RGS6: variants seen among roughly 807,000 people sequenced by gnomAD.
The protein encoded by RGS6 is regulator of G-protein signaling 6.
In RGS6, 30 loss-of-function variants were observed where a neutral mutation model predicts 78.5. The ratio of observed to expected loss-of-function variants is 0.38; its 90% CI spans 0.29 to 0.52. RGS6 has a LOEUF of 0.52. Ranked by LOEUF, RGS6 falls within the 20% of genes least tolerant of loss-of-function variation. RGS6 has a pLI of 0.85. For synonymous variants in RGS6, 206 were observed against 206.0 expected, an observed-to-expected ratio of 1.00 and a Z score of 0.00; for missense variants, 495 against 609.7, an observed-to-expected ratio of 0.81 and a Z score of 1.98.
intron 2 of RGS6, among the ~76,000 whole-genome samples, chr14:71,994,176 G>T (rs1227685544): frequency 6.6e-6 from 1 of 151,960 alleles, no homozygotes; most frequent in African/African-American, 2.4e-5. Context: ...TGTTTAGCCT[G>T]TTCCGTCTAC....
chr14:72,621,675 C>T, the RGS6 span, among the ~76,000 whole-genome samples: 1 of 152,076 alleles, frequency 6.6e-6, no homozygotes, highest in East Asian at 1.9e-4. Flanking sequence ...TCAAGAGGCC[C>T]GGGGACCAGT....
At chr14:72,213,782 G>A (rs2044785055) in intron 2 of RGS6, among the ~76,000 whole-genome samples, 1 of 152,192 alleles carries the variant, frequency 6.6e-6, no homozygotes, top group South Asian at 2.1e-4. Context: ...CTTATGGTCA[G>A]AGTCTTTTCC....
At chr14:72,011,399 G>A (rs2097472815) in intron 2 of RGS6, among the ~76,000 whole-genome samples, 1 of 152,048 alleles carries the variant, frequency 6.6e-6, no homozygotes, top group Non-Finnish European at 1.5e-5. Flanking sequence ...ACTGTTTCCC[G>A]AGGAGGGTGA....
intron 3 of RGS6, among the ~76,000 whole-genome samples, chr14:72,403,149 C>T (rs2092618107): frequency 6.6e-6 from 1 of 152,120 alleles, no homozygotes; most frequent in Non-Finnish European, 1.5e-5. Context: ...AATACCTGCA[C>T]CCCATGTTTA....
intron 2 of RGS6, among the ~76,000 whole-genome samples, chr14:72,198,761 C>T (rs1432920004): frequency 1.3e-5 from 2 of 152,152 alleles, no homozygotes; most frequent in Non-Finnish European, 2.9e-5. Context: ...GGGCAGAGTC[C>T]ACCTGCCTTG....
At chr14:72,180,235 G>A (rs111814153) in intron 2 of RGS6, among the ~76,000 whole-genome samples, 17 of 152,350 alleles carry the variant, frequency 1.1e-4, no homozygotes, top group African/African-American at 4.1e-4. Flanking sequence ...CATTTTGGGT[G>A]TAGTGCTTCA....
the RGS6 span, among the ~76,000 whole-genome samples, chr14:71,912,111 A>C: frequency 2.0e-4 from 30 of 152,182 alleles, no homozygotes; most frequent in Admixed American, 6.5e-5. Context: ...CTCTTATGTT[A>C]GTCTCTTATT....
chr14:72,237,212 A>G (rs1429340459), intron 2 of RGS6, among the ~76,000 whole-genome samples: 1 of 152,212 alleles, frequency 6.6e-6, no homozygotes, highest in Admixed American at 6.5e-5. Flanking sequence ...ATCATATTCC[A>G]TTGTGTGAAT....
chr14:72,117,049 C>G, intron 2 of RGS6, among the ~76,000 whole-genome samples: 1 of 151,340 alleles, frequency 6.6e-6, no homozygotes, highest in African/African-American at 2.4e-5. Context: ...AAGCCCTTGC[C>G]GAGGAAGGGC....
intron 2 of RGS6, among the ~76,000 whole-genome samples, chr14:72,143,192 A>G (rs2096563507): frequency 6.6e-6 from 1 of 151,792 alleles, no homozygotes; most frequent in Middle Eastern, 3.2e-3. Flanking sequence ...ACATGACAAA[A>G]CCCCATCTCT....
At chr14:72,101,915 A>G (rs530443034) in intron 2 of RGS6, among the ~76,000 whole-genome samples, 1 of 152,106 alleles carries the variant, frequency 6.6e-6, no homozygotes, top group African/African-American at 2.4e-5. Context: ...CCTCTTCTCT[A>G]TTACCTGCCT....
At chr14:71,946,293 T>G (rs998862818) in intron 1 of RGS6, among the ~76,000 whole-genome samples, 1 of 152,126 alleles carries the variant, frequency 6.6e-6, no homozygotes, top group African/African-American at 2.4e-5. Flanking sequence ...TGTGATTGCT[T>G]TGAGATGGTT....
chr14:72,248,958 C>G (rs1326225043), intron 2 of RGS6, among the ~76,000 whole-genome samples: 1 of 152,172 alleles, frequency 6.6e-6, no homozygotes, highest in Non-Finnish European at 1.5e-5. Flanking sequence ...ATAAGGCTTG[C>G]AGCTATAACT....
chr14:71,968,916 G>A (rs12888760), intron 2 of RGS6, among the ~76,000 whole-genome samples: 22,792 of 152,140 alleles, frequency 0.15, 2,120 homozygotes, highest in Non-Finnish European at 0.2. Flanking sequence ...ATGTTGGTGT[G>A]CTGCACCCAT....
At chr14:72,151,562 G>A (rs889118119) in intron 2 of RGS6, among the ~76,000 whole-genome samples, 2 of 152,164 alleles carry the variant, frequency 1.3e-5, no homozygotes, top group Admixed American at 6.5e-5. Flanking sequence ...TCTGAGGGGA[G>A]TGGCCACGCT....
intron 2 of RGS6, among the ~76,000 whole-genome samples, chr14:72,261,652 T>C (rs574010994): frequency 6.6e-6 from 1 of 152,250 alleles, no homozygotes; most frequent in South Asian, 2.1e-4. Context: ...ACCCACACGA[T>C]ACAGAGACAT....
At chr14:72,606,301 C>T in the RGS6 span, among the ~76,000 whole-genome samples, 1 of 152,122 alleles carries the variant, frequency 6.6e-6, no homozygotes, top group Non-Finnish European at 1.5e-5. Context: ...CCCAAACCCG[C>T]TAAGTCTAGG....
At chr14:72,103,988 ATTGT>A (rs2095579523) in intron 2 of RGS6, among the ~76,000 whole-genome samples, 1 of 152,188 alleles carries the variant, frequency 6.6e-6, no homozygotes, top group Non-Finnish European at 1.5e-5. Context: ...GTGCATGACA[ATTGT>A]TGTTTTGCTA....
At chr14:72,170,676 A>G (rs1173323654) in intron 2 of RGS6, among the ~76,000 whole-genome samples, 1 of 152,240 alleles carries the variant, frequency 6.6e-6, no homozygotes, top group African/African-American at 2.4e-5. Flanking sequence ...TCTTTTTGTT[A>G]TCACAAGGAG....
Sources: allele counts gnomAD v4.1 joint callset (sites outside exome capture counted in the v4.1 genomes callset), GRCh38; gene constraint gnomAD v4.1.1; transcripts MANE v1.5; gene names NCBI Gene and HGNC (gene_info 2026-07-23, HGNC 2026-07-21).